DIAPH2: variants seen among roughly 807,000 people sequenced by gnomAD.
DIAPH2 encodes diaphanous related formin 2, also known as protein diaphanous homolog 2.
Under a neutral mutation model 92.7 loss-of-function variants are expected in DIAPH2, and 35 were observed. That is an observed-to-expected ratio of 0.38 (90% CI 0.29 to 0.50). The LOEUF is 0.50. Ranked by LOEUF, DIAPH2 falls within the 20% of genes least tolerant of loss-of-function variation. The pLI is 0.94. For synonymous variants in DIAPH2, 301 were observed against 280.4 expected, an observed-to-expected ratio of 1.07 and a Z score of -0.73; for missense variants, 701 against 819.5, an observed-to-expected ratio of 0.86 and a Z score of 1.77.
At chrX:97,321,361 G>A (rs1797755246) in intron 23 of DIAPH2, among the ~76,000 whole-genome samples, 1 of 109,594 alleles carries the variant, frequency 9.1e-6, no homozygotes, top group African/African-American at 3.3e-5. Flanking sequence ...ACAACAAAAG[G>A]TGTTTATTAT....
chrX:97,027,502 G>T (rs2066343484), intron 17 of DIAPH2, among the ~76,000 whole-genome samples: 1 of 111,891 alleles, frequency 8.9e-6, no homozygotes, highest in Admixed American at 9.5e-5. Flanking sequence ...AGTGATATGT[G>T]CCTTATAAAT....
At chrX:96,861,981 C>G (rs1005546728) in intron 4 of DIAPH2, among the ~76,000 whole-genome samples, 4 of 112,074 alleles carry the variant, frequency 3.6e-5, no homozygotes, top group Non-Finnish European at 5.6e-5. Flanking sequence ...CTTATGATCT[C>G]TTGTTCTTGC....
chrX:97,321,909 A>G (rs754919505), intron 23 of DIAPH2, among the ~76,000 whole-genome samples: 1 of 112,160 alleles, frequency 8.9e-6, no homozygotes, highest in Non-Finnish European at 1.9e-5. Context: ...ATTTTGGCTG[A>G]GAATCATCTT....
intron 26 of DIAPH2, among the ~76,000 whole-genome samples, chrX:97,567,987 G>A (rs1404982725): frequency 3.7e-5 from 4 of 107,512 alleles, no homozygotes; most frequent in Admixed American, 1.0e-4. Context: ...ATGGTGGTGC[G>A]TGCCTGTAAT....
At chrX:96,781,568 A>G (rs1247822529) in intron 4 of DIAPH2, among the ~76,000 whole-genome samples, 2 of 111,508 alleles carry the variant, frequency 1.8e-5, no homozygotes, top group Non-Finnish European at 3.8e-5. Flanking sequence ...CTGAAATTTC[A>G]TTATATAAGC....
intron 17 of DIAPH2, among the ~76,000 whole-genome samples, chrX:97,027,226 C>T (rs1034207871): frequency 8.9e-6 from 1 of 112,082 alleles, no homozygotes; most frequent in African/African-American, 3.2e-5. Context: ...AGTGTGGATT[C>T]TTAAATTATC....
chrX:97,520,867 G>A (rs1361961991), intron 26 of DIAPH2, among the ~76,000 whole-genome samples: 1 of 112,195 alleles, frequency 8.9e-6, no homozygotes, highest in African/African-American at 3.2e-5. Flanking sequence ...TTTTAGAGAT[G>A]ATCCAAGAAC....
In DIAPH2 at chrX:97,591,654, A is replaced by G. The variant is rs193245806; in HGVS notation, c.3242-7599A>G. Reference sequence around the variant, plus strand: ...TGTTGTAGTTTGTGTGGTTTCTGTTAGCTTGCTCTTCAATATGTTTCACAT... The same window carrying G: ...TGTTGTAGTTTGTGTGGTTTCTGTTGGCTTGCTCTTCAATATGTTTCACAT... On this transcript the variant is annotated intron_variant, in intron 26 of 26. Transcript: ENST00000324765. Among the ~76,000 whole-genome samples, 110 of 112,296 alleles carry G rather than the reference A, an allele frequency of 9.8e-4. 1 individual carries two copies. Among genetic ancestry groups the G allele is most frequent in the Non-Finnish European group, 7.5e-4 (40 of 53,163 alleles).
Position 97,515,976 on chromosome X carries a change from G to A in DIAPH2, c.3242-83277G>A, listed in dbSNP as rs78565813. ...AACATATAAAATAAGCCATAAGGCC[G>A]GGCACCGTGGCTCATGCCTGTAATC... is the stretch of plus-strand genomic sequence containing the variant. On this transcript the variant is annotated intron_variant, in intron 26 of 26. Transcript: ENST00000324765. Among the ~76,000 whole-genome samples the A allele has an allele frequency of 2.6e-3, 286 of 110,724 alleles. 1 individual carries two copies. The highest frequency in any genetic ancestry group is 9.0e-3 in the African/African-American group (275 of 30,460).
At position 97,499,144 on chromosome X, in the gene DIAPH2, TG is replaced by T. The variant is rs766488750; in HGVS notation, c.3241+69402del. Among the ~76,000 whole-genome samples the T allele has an allele frequency of 5.4e-4, 61 of 112,422 alleles. 1 individual carries two copies. The highest frequency in any genetic ancestry group is 4.0e-3 in the Admixed American group (42 of 10,610). On this transcript the variant is annotated intron_variant, in intron 26 of 26. Coordinates refer to ENST00000324765, the MANE Select transcript of DIAPH2 (RefSeq NM_006729.5). ...ATTGATTTAAATGACATGAATATAT[TG>T]GGAATTTCTGTTTCTCTTAATTCCT... is the stretch of plus-strand genomic sequence containing the variant.
intron 23 of DIAPH2, among the ~76,000 whole-genome samples, chrX:97,310,996 G>C (rs1194019179): frequency 9.0e-6 from 1 of 111,062 alleles, no homozygotes; most frequent in Non-Finnish European, 1.9e-5. Flanking sequence ...GCGACAGAGC[G>C]AGACTCCATC....
At chrX:96,711,998 G>C (rs1170855395) in intron 1 of DIAPH2, among the ~76,000 whole-genome samples, 1 of 111,485 alleles carries the variant, frequency 9.0e-6, no homozygotes, top group Non-Finnish European at 1.9e-5. Context: ...GCTAGATATT[G>C]AATTTTTAGA....
In DIAPH2 at chrX:97,044,867, C is replaced by T. The variant is rs139488085; in HGVS notation, c.2051-28074C>T. On this transcript the variant is annotated intron_variant, in intron 17 of 26. Transcript: ENST00000324765. Reference sequence around the variant, plus strand: ...TTGTCATCTCACTCTCAGTCCCTTCCGATTGAACTTTCATGTTCATCATTC... The same window carrying T: ...TTGTCATCTCACTCTCAGTCCCTTCTGATTGAACTTTCATGTTCATCATTC... Among the ~76,000 whole-genome samples the T allele has an allele frequency of 6.3e-5, 7 of 111,576 alleles. No individual in the cohort carries two copies. The East Asian group carries it at 1.1e-3, about 18-fold the overall frequency.
intron 22 of DIAPH2, among the ~76,000 whole-genome samples, chrX:97,196,736 G>A (rs2067707086): frequency 1.8e-5 from 2 of 109,921 alleles, no homozygotes; most frequent in South Asian, 7.7e-4. Flanking sequence ...GTACATATCT[G>A]ATTTTCGTTT....
intron 3 of DIAPH2, among the ~76,000 whole-genome samples, chrX:96,753,760 C>G (rs1387869768): frequency 8.9e-6 from 1 of 111,929 alleles, no homozygotes; most frequent in Non-Finnish European, 1.9e-5. Flanking sequence ...GGACTAACTT[C>G]CAGAACCACA....
intron 26 of DIAPH2, among the ~76,000 whole-genome samples, chrX:97,477,671 C>T (rs1446371647): frequency 2.7e-5 from 3 of 111,066 alleles, no homozygotes; most frequent in East Asian, 5.7e-4. Context: ...TATATATATA[C>T]ACACATCCTT....
intron 19 of DIAPH2, among the ~76,000 whole-genome samples, chrX:97,077,906 T>TA (rs2066715923): frequency 8.9e-6 from 1 of 111,839 alleles, no homozygotes; most frequent in Admixed American, 9.5e-5. Context: ...GAGGAGTTTT[T>TA]AATACATGTA....
chrX:96,686,409 A>C (rs2147509852), intron 1 of DIAPH2, among the ~76,000 whole-genome samples: 1 of 111,133 alleles, frequency 9.0e-6, no homozygotes, highest in South Asian at 3.7e-4. Context: ...AAAAACACTT[A>C]TCTCTGTTAG....
chrX:97,112,374 C>T (rs999639706), intron 20 of DIAPH2, among the ~76,000 whole-genome samples: 4 of 110,837 alleles, frequency 3.6e-5, no homozygotes, highest in East Asian at 2.8e-4. Flanking sequence ...ACTCCCTAAA[C>T]GTAAAATGAT....
Sources: gnomAD v4.1 joint callset for allele counts (sites outside exome capture counted in the v4.1 genomes callset) on GRCh38, gnomAD v4.1.1 for gene constraint, MANE v1.5 for transcripts, NCBI Gene and HGNC (gene_info 2026-07-23, HGNC 2026-07-21) for gene names.